The following ABCA8 variants were observed in gnomAD, a reference collection of about 807,000 sequenced individuals.
ABCA8 encodes the protein ABC-type organic anion transporter ABCA8.
Under a neutral mutation model 192.3 loss-of-function variants are expected in ABCA8, and 177 were observed. That is an observed-to-expected ratio of 0.92 (90% CI 0.81 to 1.04). The LOEUF is 1.04. ABCA8 is among the 50% of genes least tolerant of loss of function. ABCA8 has a pLI of 0.00. For missense variants in ABCA8, 1,915 were observed against 1,904.8 expected (o/e 1.01, Z -0.10); for synonymous variants, 642 against 690.2 (o/e 0.93, Z 1.09).
chr17:68,875,048 A>G (rs2066162902), intron 37 of ABCA8, among the ~76,000 whole-genome samples: 1 of 152,218 alleles, frequency 6.6e-6, no homozygotes, highest in African/African-American at 2.4e-5. Context: ...ATAGGATAAC[A>G]CAATACCAGG....
intron 21 of ABCA8, among the ~76,000 whole-genome samples, chr17:68,902,031 T>C (rs1176759279): frequency 1.3e-5 from 2 of 152,210 alleles, no homozygotes; most frequent in Non-Finnish European, 1.5e-5. Flanking sequence ...ATCCAATTAT[T>C]GGGAAAAAAT....
At chr17:68,954,192 C>G (rs1160897575) in intron 1 of ABCA8, among the ~76,000 whole-genome samples, 1 of 118,504 alleles carries the variant, frequency 8.4e-6, no homozygotes, top group Non-Finnish European at 1.7e-5. Flanking sequence ...CCCCCTCCCC[C>G]CACCCCACAA....
Position 68,919,404 on chromosome 17 carries a change from A to T in ABCA8, c.1685T>A (p.Val562Asp), listed in dbSNP as rs1406155459. ...DLENLSKLTGVCPQSNVQFDF... is the reference protein window; with the variant it reads ...DLENLSKLTGDCPQSNVQFDF... ...AAATTGCACATTGGATTGTGGACAA[A>T]CTCCGGTCAGCTTGCTGAGATTTTC... Residue 562 changes from valine to aspartate, a missense_variant, in exon 14 of 40, where the codon GTT (valine) becomes GAT (aspartate). Transcript: ENST00000586539. 4 of 1,613,876 alleles carry T rather than the reference A, an allele frequency of 2.5e-6. No individual in the cohort carries two copies. The highest frequency in any genetic ancestry group is 3.4e-6 in the Non-Finnish European group (4 of 1,179,932).
intron 37 of ABCA8, 150 bp downstream of exon 37, chr17:68,875,110 G>A (rs1173866832): frequency 1.6e-5 from 18 of 1,103,572 alleles, no homozygotes; most frequent in East Asian, 7.6e-5. Flanking sequence ...CAGCTCTTAC[G>A]TCTGCTTTCT....
At chr17:68,936,646 AC>A (rs2068074967) in intron 5 of ABCA8, among the ~76,000 whole-genome samples, 1 of 152,010 alleles carries the variant, frequency 6.6e-6, no homozygotes, top group African/African-American at 2.4e-5. Context: ...TCCATAAACT[AC>A]CTTGTTTTCT....
intron 37 of ABCA8, among the ~76,000 whole-genome samples, chr17:68,870,258 C>T (rs2066013373): frequency 6.6e-6 from 1 of 152,190 alleles, no homozygotes; most frequent in African/African-American, 2.4e-5. Context: ...ATTGCTGCAG[C>T]CCACTCTGTA....
At chr17:68,896,646 AC>A (rs2066767525) in intron 21 of ABCA8, among the ~76,000 whole-genome samples, 1 of 152,166 alleles carries the variant, frequency 6.6e-6, no homozygotes, top group Admixed American at 6.5e-5. Flanking sequence ...TCAAGACATC[AC>A]AGTGCTTGTG....
intron 21 of ABCA8, among the ~76,000 whole-genome samples, chr17:68,899,298 G>T (rs555416397): frequency 1.3e-5 from 2 of 151,948 alleles, no homozygotes; most frequent in African/African-American, 4.8e-5. Context: ...TTGTTAGATT[G>T]TATTTAAAAA....
chr17:68,903,486 C>A lies in ABCA8; in HGVS notation c.2412G>T (p.Leu804Phe). 6.2e-7 allele frequency: 1 copy of A among 1,613,962 alleles called. No individual in the cohort carries two copies. Among genetic ancestry groups the A allele is most frequent in the Non-Finnish European group, 8.5e-7 (1 of 1,179,970 alleles). ...CAGCTTTTTCCGCTTGTACTTCTCC[C>A]AAAATAGCAATGTCTGCAAAACATA... ...STINESDIAILGEVQAEKADD... is the reference protein window; with the variant it reads ...STINESDIAIFGEVQAEKADD... Residue 804 changes from leucine to phenylalanine, a missense_variant, in exon 20 of 40, where the codon TTG (leucine) becomes TTT (phenylalanine). By Grantham distance (22) the Leu-to-Phe change is conservative (BLOSUM62 0). Coordinates refer to ENST00000586539, the MANE Select transcript of ABCA8 (RefSeq NM_001288985.2).
At chr17:68,951,264 A>T (rs2068560639) in intron 1 of ABCA8, among the ~76,000 whole-genome samples, 1 of 152,250 alleles carries the variant, frequency 6.6e-6, no homozygotes. Context: ...CATTCACTAT[A>T]TTGAAGTTTC....
intron 26 of ABCA8, chr17:68,886,774 ACT>A: frequency 4.5e-6 from 1 of 222,310 alleles, no homozygotes; most frequent in Non-Finnish European, 8.7e-6. Flanking sequence ...TAGAATAGAC[ACT>A]CTTAAATTAT....
At chr17:68,873,099 G>A (rs1055664925) in intron 37 of ABCA8, among the ~76,000 whole-genome samples, 16 of 152,118 alleles carry the variant, frequency 1.1e-4, no homozygotes, top group Admixed American at 9.8e-4. Flanking sequence ...ACCAATGGTC[G>A]CCCAGAGCTA....
Position 68,918,464 on chromosome 17 carries a change from T to C in ABCA8, c.1871A>G (p.Lys624Arg), listed in dbSNP as rs1053209677. The change falls in exon 15 of 40, where the codon AAG becomes AGG. Residue 624 changes from lysine to arginine, a missense_variant. Coordinates refer to ENST00000586539, the MANE Select transcript of ABCA8 (RefSeq NM_001288985.2). ...TAAAATGGCAATCCCAAAGGTTAGC[T>C]TTCTTTTCTGTCCACCACTTAAGTT... is the stretch of plus-strand genomic sequence containing the variant. ...AQNLSGGQKRKLTFGIAILGD... is the reference protein window; with the variant it reads ...AQNLSGGQKRRLTFGIAILGD... 11 of 1,568,376 alleles carry C rather than the reference T, an allele frequency of 7.0e-6. No homozygotes were observed. The highest frequency in any genetic ancestry group is 1.8e-5 in the Admixed American group (1 of 55,044).
rs578123837 is a variant in ABCA8, at chr17:68,949,941, C to A, written c.-166-469G>T. 1.2e-3 allele frequency among the ~76,000 whole-genome samples: 184 copies of A among 152,228 alleles called. 1 individual carries two copies. The highest frequency in any genetic ancestry group is 4.2e-3 in the African/African-American group (173 of 41,528). ...TCAACATAGTATTGGAAGTTCTGGCCAGTGCAATCAGGCAAGAGAAAGAAA... is the reference window on the plus strand; with the variant it reads ...TCAACATAGTATTGGAAGTTCTGGCAAGTGCAATCAGGCAAGAGAAAGAAA... On this transcript the variant is annotated intron_variant, in intron 1 of 39. Coordinates refer to ENST00000586539, the MANE Select transcript of ABCA8 (RefSeq NM_001288985.2).
In ABCA8 at chr17:68,929,682, T is replaced by C. The variant is rs370078649; in HGVS notation, c.818A>G (p.Tyr273Cys). The C allele has an allele frequency of 6.2e-7, 1 of 1,613,148 alleles. No homozygotes were observed. The highest frequency in any genetic ancestry group is 8.5e-7 in the Non-Finnish European group (1 of 1,179,662). ...GGCCATAATGAAGATGAAACCAGCA[T>C]AGAGCAAACCCCAGGAGAGCCTAAT... is the stretch of plus-strand genomic sequence containing the variant. ...SAFWLSWGLL[Y>C]AGFIFIMALF... Residue 273 changes from tyrosine (Y) to cysteine (C), a missense_variant, in exon 8 of 40, where the codon TAT becomes TGT. Tyr to Cys is a radical substitution (Grantham distance 194, BLOSUM62 -2). Coordinates refer to ENST00000586539, the MANE Select transcript of ABCA8 (RefSeq NM_001288985.2).
At chr17:68,880,816 A>T in intron 32 of ABCA8, 1 of 383,388 alleles carries the variant, frequency 2.6e-6, no homozygotes, top group South Asian at 2.6e-5. Context: ...GCATGAACAG[A>T]GTGCAGCCTG....
At chr17:68,952,487 CA>C (rs2068595363) in intron 1 of ABCA8, among the ~76,000 whole-genome samples, 1 of 152,100 alleles carries the variant, frequency 6.6e-6, no homozygotes, top group African/African-American at 2.4e-5. Context: ...AAATGTGATT[CA>C]ATTTTCAATT....
intron 21 of ABCA8, among the ~76,000 whole-genome samples, chr17:68,901,821 A>G (rs926655154): frequency 1.3e-5 from 2 of 151,972 alleles, no homozygotes; most frequent in Non-Finnish European, 2.9e-5. Flanking sequence ...AAAAAAAAAA[A>G]AAAACCCCAC....
intron 38 of ABCA8, among the ~76,000 whole-genome samples, chr17:68,869,271 G>T (rs1240205364): frequency 6.6e-6 from 1 of 152,202 alleles, no homozygotes; most frequent in East Asian, 1.9e-4. Flanking sequence ...AAATGTGACA[G>T]ATGCGAGGAG....
Sources: gnomAD v4.1 joint callset for allele counts (sites outside exome capture counted in the v4.1 genomes callset) on GRCh38, gnomAD v4.1.1 for gene constraint, MANE v1.5 for transcripts, NCBI Gene and HGNC (gene_info 2026-07-23, HGNC 2026-07-21) for gene names.